USP10: variants seen among roughly 807,000 people sequenced by gnomAD.
USP10 encodes ubiquitin specific peptidase 10.
Under a neutral mutation model 84.5 loss-of-function variants are expected in USP10, and 22 were observed. That is an observed-to-expected ratio of 0.26 (90% CI 0.19 to 0.37). The LOEUF (loss-of-function observed/expected upper bound fraction) is 0.37, where lower values mean the gene tolerates loss of function less well. Among genes scored for constraint, USP10 ranks in the 10% least tolerant of loss-of-function variants. The pLI is 1.00. For synonymous variants in USP10, 454 were observed against 387.6 expected (o/e 1.17, Z -2.01); for missense variants, 1,019 against 998.9 (o/e 1.02, Z -0.27).
chr16:84,736,943 C>T (rs1224571797), intron 2 of USP10, among the ~76,000 whole-genome samples: 1 of 152,224 alleles, frequency 6.6e-6, no homozygotes. Flanking sequence ...CGTCCGCCAC[C>T]TCGCCCGGCT....
intron 2 of USP10, among the ~76,000 whole-genome samples, chr16:84,738,481 C>T (rs1910214065): frequency 6.6e-6 from 1 of 152,216 alleles, no homozygotes; most frequent in Admixed American, 6.5e-5. Context: ...TCCTGAGACA[C>T]ACATGGCCGC....
At chr16:84,770,229 A>G (rs976729454) in intron 11 of USP10, among the ~76,000 whole-genome samples, 3 of 152,250 alleles carry the variant, frequency 2.0e-5, no homozygotes, top group Admixed American at 6.5e-5. Context: ...AGATGAGGCC[A>G]GGACCACTTT....
At chr16:84,700,945 C>G (rs962961019) in intron 1 of USP10, among the ~76,000 whole-genome samples, 3 of 151,958 alleles carry the variant, frequency 2.0e-5, no homozygotes, top group African/African-American at 7.3e-5. Context: ...TTATTCTGGA[C>G]AAAAATCGGC....
rs1277045156 is a variant in USP10 at position 84,778,948 on chromosome 16, T to C, written c.2263T>C (p.Phe755Leu). 6.2e-7 allele frequency: 1 copy of C among 1,614,016 alleles called. No homozygotes were observed. The highest frequency in any genetic ancestry group is 8.5e-7 in the Non-Finnish European group (1 of 1,179,892). Residue 755 changes from phenylalanine to leucine, a missense_variant, in exon 14 of 14, where the codon TTC (phenylalanine) becomes CTC (leucine). Phe to Leu is a conservative substitution (Grantham distance 22). Around this residue, in one of 2 missense-constraint regions of USP10, gnomAD observed 232 missense variants for 290.1 expected, o/e 0.80. Transcript: ENST00000219473. ...ATGGHYTTDV[F>L]QIGLNGWLRI... ...GGGCGGCCATTACACTACAGACGTC[T>C]TCCAGATCGGTCTGAATGGCTGGCT...
intron 13 of USP10, among the ~76,000 whole-genome samples, chr16:84,778,117 G>GTGTGTGTT (rs1451791838): frequency 1.3e-5 from 2 of 151,218 alleles, no homozygotes; most frequent in African/African-American, 4.9e-5. Context: ...GTGTGTGTGT[G>GTGTGTGTT]TTTTGTTCTG....
At position 84,758,779 on chromosome 16, in the gene USP10, A is replaced by G. The variant is rs370037155; in HGVS notation, c.1256A>G (p.Asn419Ser). Residue 419 changes from asparagine to serine, a missense_variant, in exon 5 of 14, where the codon AAT (asparagine) becomes AGT (serine). Around this residue, in one of 2 missense-constraint regions of USP10, gnomAD observed 787 missense variants for 708.8 expected, o/e 1.11. Coordinates refer to ENST00000219473, the MANE Select transcript of USP10 (RefSeq NM_005153.3). The part of the protein sequence containing the change: ...PVSLQPRGLI[N>S]KGNWCYINAT... The stretch of plus-strand genomic sequence containing the variant: ...TCGTTGCAACCCCGTGGGCTGATCA[A>G]TAAAGGGAACTGGTGCTACATTAAT... 1.1e-5 allele frequency: 18 copies of G among 1,613,702 alleles called. No individual in the cohort carries two copies. Among genetic ancestry groups the G allele is most frequent in the African/African-American group, 4.0e-5 (3 of 74,926 alleles).
intron 1 of USP10, among the ~76,000 whole-genome samples, chr16:84,723,291 A>C (rs1319591089): frequency 6.6e-6 from 1 of 152,290 alleles, no homozygotes; most frequent in Admixed American, 6.5e-5. Context: ...GTGTTCTGTG[A>C]AGCTTAATTC....
intron 1 of USP10, among the ~76,000 whole-genome samples, chr16:84,731,890 T>C (rs1292768144): frequency 6.6e-6 from 1 of 152,144 alleles, no homozygotes; most frequent in Non-Finnish European, 1.5e-5. Context: ...CTTTTCCCAG[T>C]GTTGGTGATG....
intron 3 of USP10, 66 bp from the exon 4 acceptor site, chr16:84,744,567 G>C: frequency 1.4e-6 from 2 of 1,386,620 alleles, no homozygotes; most frequent in Non-Finnish European, 1.9e-6. Flanking sequence ...AAGAGAAAGT[G>C]AGTAATTACT....
intron 1 of USP10, chr16:84,704,770 T>C: frequency 6.5e-7 from 1 of 1,535,332 alleles, no homozygotes; most frequent in Non-Finnish European, 8.7e-7. Flanking sequence ...TTTCATCAGA[T>C]GACTTGAGAA....
intron 1 of USP10, among the ~76,000 whole-genome samples, chr16:84,725,122 A>G (rs1908287934): frequency 6.6e-6 from 1 of 152,156 alleles, no homozygotes; most frequent in African/African-American, 2.4e-5. Flanking sequence ...TGCAGCTAAC[A>G]CCGTAGTCCA....
At chr16:84,741,080 A>T (rs744838) in intron 3 of USP10, among the ~76,000 whole-genome samples, 1 of 152,086 alleles carries the variant, frequency 6.6e-6, no homozygotes, top group African/African-American at 2.4e-5. Flanking sequence ...ACTGATGCCA[A>T]ACTTTTTCTT....
intron 1 of USP10, among the ~76,000 whole-genome samples, chr16:84,730,710 G>A (rs192354804): frequency 3.9e-4 from 60 of 152,268 alleles, no homozygotes; most frequent in African/African-American, 1.4e-3. Flanking sequence ...ATTTGGATTT[G>A]TAGTGTTCTT....
At chr16:84,771,827 C>T (rs1191625403) in intron 11 of USP10, among the ~76,000 whole-genome samples, 1 of 152,160 alleles carries the variant, frequency 6.6e-6, no homozygotes, top group Non-Finnish European at 1.5e-5. Context: ...CAGATCGTAC[C>T]ACTGTACTCC....
At chr16:84,708,007 G>A (rs1905765878) in intron 1 of USP10, among the ~76,000 whole-genome samples, 1 of 152,148 alleles carries the variant, frequency 6.6e-6, no homozygotes. Flanking sequence ...GAACCTGGGA[G>A]GTGGACATTG....
intron 4 of USP10, among the ~76,000 whole-genome samples, chr16:84,756,066 A>G (rs1341106988): frequency 6.6e-6 from 1 of 151,614 alleles, no homozygotes; most frequent in African/African-American, 2.4e-5. Flanking sequence ...CAGCCCTTGG[A>G]TTGGGCTAAG....
chr16:84,763,554 TCTAA>T (rs1223100156), intron 9 of USP10, among the ~76,000 whole-genome samples: 7 of 152,222 alleles, frequency 4.6e-5, no homozygotes, highest in East Asian at 1.9e-4. Context: ...CAGTCCCTTA[TCTAA>T]CTGAGAAAAA....
chr16:84,722,228 A>G lies in USP10; in HGVS notation c.22-11207A>G, dbSNP rs573062619. ...TGTACTCTTTTGTTTGGTTACCTTCACCTGACCCAACTATTTAGATTTAGC... is the reference window on the plus strand; with the variant it reads ...TGTACTCTTTTGTTTGGTTACCTTCGCCTGACCCAACTATTTAGATTTAGC... On this transcript the variant is annotated intron_variant, in intron 1 of 13. Transcript: ENST00000219473. 1.3e-3 allele frequency among the ~76,000 whole-genome samples: 191 copies of G among 152,304 alleles called. 1 individual carries two copies. Among genetic ancestry groups the G allele is most frequent in the Non-Finnish European group, 2.3e-3 (156 of 68,028 alleles).
intron 13 of USP10, 48 bp from the exon 14 acceptor site, chr16:84,778,847 C>G: frequency 6.4e-7 from 1 of 1,557,236 alleles, no homozygotes; most frequent in Non-Finnish European, 8.7e-7. Context: ...TGTAATGATT[C>G]GTGTGCAGTG....
Sources: gnomAD v4.1 joint callset for allele counts (sites outside exome capture counted in the v4.1 genomes callset) on GRCh38, gnomAD v4.1.1 for gene constraint, gnomAD v4.1.1 regional missense constraint, MANE v1.5 for transcripts, NCBI Gene and HGNC (gene_info 2026-07-23, HGNC 2026-07-21) for gene names.